ARHGAP9: variants seen among roughly 807,000 people sequenced by gnomAD.
The protein encoded by ARHGAP9 is Rho GTPase activating protein 9, also known as rho GTPase-activating protein 9.
A neutral mutation model predicts 87.3 loss-of-function variants in ARHGAP9; 76 were observed. The ratio of observed to expected loss-of-function variants is 0.87; its 90% CI spans 0.72 to 1.05. ARHGAP9 has a LOEUF of 1.05. Among genes scored for constraint, ARHGAP9 ranks in the 50% least tolerant of loss-of-function variants. The pLI, the probability that ARHGAP9 is intolerant of heterozygous loss-of-function variation, is 0.00. For synonymous variants in ARHGAP9, 382 were observed against 394.9 expected (o/e 0.97, Z 0.39); for missense variants, 941 against 960.5 (o/e 0.98, Z 0.27).
At chr12:57,480,226 G>A (rs146437767), upstream of ARHGAP9, 2,408 of 705,890 alleles carry the variant, frequency 3.4e-3, 4 homozygotes, top group Non-Finnish European at 3.9e-3. Context: ...TTGTCCCCCA[G>A]GCTGGAGTGT....
At chr12:57,480,688 C>CTG, upstream of ARHGAP9, 1 of 1,267,778 alleles carries the variant, frequency 7.9e-7, no homozygotes, top group Non-Finnish European at 1.1e-6. Context: ...AGATAGGGGA[C>CTG]TGATGCCAGC....
chr12:57,474,712 T>C lies in ARHGAP9; in HGVS notation c.1652-9A>G. On this transcript the variant is annotated splice_polypyrimidine_tract_variant and intron_variant, in intron 13 of 17. Coordinates refer to ENST00000393791, the MANE Select transcript of ARHGAP9 (RefSeq NM_032496.4). ...GCCATCCACATCTAGACCTGGGAGA[T>C]GAGGAAGGAGTAGATAAGGACTGCT... The C allele has an allele frequency of 6.2e-7, 1 of 1,613,976 alleles. No individual in the cohort carries two copies. Among genetic ancestry groups the C allele is most frequent in the Non-Finnish European group, 8.5e-7 (1 of 1,179,982 alleles).
At chr12:57,478,433 A>C (rs1445699355) in intron 3 of ARHGAP9, 107 bp downstream of exon 3, 1 of 1,130,218 alleles carries the variant, frequency 8.8e-7, no homozygotes, top group Non-Finnish European at 1.3e-6. Context: ...GCGTTATCTT[A>C]TTTATTTGTT....
chr12:57,472,798 T>C (rs1872271407), intron 17 of ARHGAP9, 110 bp from the exon 18 acceptor site: 2 of 1,184,938 alleles, frequency 1.7e-6, no homozygotes, highest in South Asian at 2.9e-5. Context: ...CTGGGATTCC[T>C]CCACATGGTA....
intron 8 of ARHGAP9, 84 bp from the exon 9 acceptor site, chr12:57,476,250 G>C (rs902430301): frequency 5.4e-6 from 8 of 1,484,304 alleles, no homozygotes; most frequent in Middle Eastern, 1.9e-4. Context: ...GGAGGTGGGA[G>C]GCTTCCTCAC....
chr12:57,488,599 C>T, intron 1 of ARHGAP9: 2 of 1,551,054 alleles, frequency 1.3e-6, no homozygotes, highest in Non-Finnish European at 1.7e-6. Context: ...CACACACGTT[C>T]CTTTCTGTTT....
exon 1 of ARHGAP9, chr12:57,488,766 T>G: frequency 2.8e-6 from 3 of 1,057,566 alleles, no homozygotes; most frequent in Non-Finnish European, 4.3e-6. Context: ...GCTGCAGCAC[T>G]ATCCCAATAC....
rs1872149623 is a variant in ARHGAP9 at position 57,472,481 on chromosome 12, G to T, written c.*36C>A. On this transcript the variant is annotated 3_prime_UTR_variant, in exon 18 of 18. Transcript: ENST00000393791. ...ACACCAGCCTCTCACCACCAGAGAT[G>T]ACCGGAAATATGTTTTCTCTTCTTC... 3.7e-6 allele frequency: 6 copies of T among 1,605,870 alleles called. No homozygotes were observed. Among genetic ancestry groups the T allele is most frequent in the South Asian group, 3.3e-5 (3 of 90,332 alleles).
At chr12:57,480,869 A>G, upstream of ARHGAP9, 2 of 1,537,042 alleles carry the variant, frequency 1.3e-6, no homozygotes, top group Non-Finnish European at 8.8e-7. Flanking sequence ...TAAGGAGCGA[A>G]TGACCCTCCC....
chr12:57,484,980 C>G (rs1242543463), intron 1 of ARHGAP9, among the ~76,000 whole-genome samples: 2 of 148,886 alleles, frequency 1.3e-5, no homozygotes, highest in Non-Finnish European at 3.0e-5. Context: ...GAGTCTGGCT[C>G]TGTCGTCCAG....
At chr12:57,474,286 G>C (rs1156338862) in intron 15 of ARHGAP9, 110 bp from the exon 16 acceptor site, 7 of 1,580,338 alleles carry the variant, frequency 4.4e-6, no homozygotes, top group East Asian at 2.2e-5. Context: ...GGAATGCCTA[G>C]AGGGTCTGCA....
chr12:57,476,802 G>T, intron 6 of ARHGAP9, 69 bp downstream of exon 6: 1 of 1,472,422 alleles, frequency 6.8e-7, no homozygotes. Flanking sequence ...AGATGTTTAT[G>T]TGGAGCAGGA....
chr12:57,476,218 C>A, intron 8 of ARHGAP9, 52 bp from the exon 9 acceptor site: 4 of 1,505,584 alleles, frequency 2.7e-6, no homozygotes, highest in Non-Finnish European at 3.6e-6. Context: ...TTCACTGCTT[C>A]CCTCTCCCCG....
Position 57,487,850 on chromosome 12 carries a change from CAA to C in ARHGAP9, c.-204+760_-204+761del, listed in dbSNP as rs10715375. 26,717 of 178,422 alleles carry C rather than the reference CAA, an allele frequency of 0.15. 302 individuals are homozygous for C. The highest frequency in any genetic ancestry group is 0.21 in the East Asian group (1,844 of 8,818). 11.1% of individuals were successfully genotyped at this position (178,422 alleles called of 1,614,324 possible). ...GGTGACAGAGGGAGACGCCCTCTCA[CAA>C]AAAAAAAAAAAAAAAAAAAAAAGTG... On this transcript the variant is annotated intron_variant, in intron 1 of 20. Transcript: ENST00000393797.
At chr12:57,483,716 T>G (rs1875193209), upstream of ARHGAP9, among the ~76,000 whole-genome samples, 1 of 152,134 alleles carries the variant, frequency 6.6e-6, no homozygotes, top group African/African-American at 2.4e-5. Flanking sequence ...TACGCATCAC[T>G]GAGATCTCAG....
At chr12:57,478,859 G>A in intron 2 of ARHGAP9, 102 bp from the exon 3 acceptor site, 1 of 1,212,628 alleles carries the variant, frequency 8.2e-7, no homozygotes, top group Non-Finnish European at 1.1e-6. Flanking sequence ...GAAGGGCAGA[G>A]GGAGGATGTG....
At position 57,487,896 on chromosome 12, in the gene ARHGAP9, C is replaced by T. The variant is rs531024358; in HGVS notation, c.-204+716G>A. ...AAAAGTGCAGTCTAGCCCGCATCTG[C>T]GGCCTCTTCATCTCGATGATAGTCT... On this transcript the variant is annotated intron_variant, in intron 1 of 20. Coordinates refer to the ARHGAP9 transcript ENST00000393797. The T allele has an allele frequency of 3.6e-4, 196 of 548,256 alleles. 1 individual carries two copies. The highest frequency in any genetic ancestry group is 1.4e-3 in the Admixed American group (42 of 29,270). The allele number at this position is 548,256 out of a possible 1,614,324, so 34.0% of individuals were successfully genotyped here.
At chr12:57,485,564 A>AC (rs1555164797) in intron 1 of ARHGAP9, among the ~76,000 whole-genome samples, 2 of 150,058 alleles carry the variant, frequency 1.3e-5, no homozygotes, top group Non-Finnish European at 3.0e-5. Context: ...CTGAAAAAAA[A>AC]AAAAAACAAA....
chr12:57,480,186 C>CTTTTT, upstream of ARHGAP9: 1 of 676,216 alleles, frequency 1.5e-6, no homozygotes, highest in South Asian at 6.5e-5. Context: ...TTCATTCATG[C>CTTTTT]TTTTTTTTTT....
Sources: gnomAD v4.1 joint callset for allele counts (sites outside exome capture counted in the v4.1 genomes callset) on GRCh38, gnomAD v4.1.1 for gene constraint, MANE v1.5 for transcripts, NCBI Gene and HGNC (gene_info 2026-07-23, HGNC 2026-07-21) for gene names.